H2AC8: variants seen among roughly 807,000 people sequenced by gnomAD.
H2AC8 encodes H2A clustered histone 8.
H2AC8 carries 9 observed loss-of-function variants against 6.3 expected under a neutral mutation model. That is an observed-to-expected ratio of 1.43 (90% CI 0.86 to 2.49). The LOEUF (loss-of-function observed/expected upper bound fraction) is 2.49. H2AC8 is among the 30% of genes most tolerant of loss of function. H2AC8 has a pLI of 0.00. For synonymous variants in H2AC8, 176 were observed against 79.6 expected (o/e 2.21, Z -6.45); for missense variants, 141 against 177.5 (o/e 0.79, Z 1.17).
chr6:26,217,375 A>G (rs1765436954), exon 1 of H2AC8: 9 of 1,609,390 alleles, frequency 5.6e-6, no homozygotes, highest in Non-Finnish European at 7.6e-6. Flanking sequence ...TGAAATGATT[A>G]CTAGTCAAAT....
chr6:26,216,952 T>A, upstream of H2AC8: 1 of 1,613,364 alleles, frequency 6.2e-7, no homozygotes, highest in Non-Finnish European at 8.5e-7. Flanking sequence ...GATTGTTAGT[T>A]CTTCTGCTGT....
At chr6:26,217,274 C>T in exon 1 of H2AC8, 2 of 1,614,222 alleles carry the variant, frequency 1.2e-6, no homozygotes, top group East Asian at 2.2e-5. Context: ...TTCTAGGTCG[C>T]GTGACCATCG....
upstream of H2AC8, chr6:26,216,925 T>C (rs768758797): frequency 1.2e-6 from 2 of 1,600,604 alleles, no homozygotes; most frequent in Non-Finnish European, 1.7e-6. Flanking sequence ...GAGCCCATTC[T>C]TTTTCTTTAT....
chr6:26,217,136 G>C, exon 1 of H2AC8: 1 of 1,614,186 alleles, frequency 6.2e-7, no homozygotes, highest in Non-Finnish European at 8.5e-7. Flanking sequence ...ACCTGGCAGC[G>C]GTGCTGGAAT....
exon 1 of H2AC8, chr6:26,217,208 C>A: frequency 6.2e-7 from 1 of 1,614,198 alleles, no homozygotes; most frequent in Admixed American, 1.7e-5. Flanking sequence ...AGAAGACCCG[C>A]ATCATCCCGC....
chr6:26,217,238 C>G, exon 1 of H2AC8: 1 of 1,614,228 alleles, frequency 6.2e-7, no homozygotes, highest in Non-Finnish European at 8.5e-7. Context: ...AGCTAGCCAT[C>G]CGCAACGACG....
At chr6:26,216,960 T>G, upstream of H2AC8, 1 of 1,613,854 alleles carries the variant, frequency 6.2e-7, no homozygotes. Flanking sequence ...GTTCTTCTGC[T>G]GTTAGGAAGC....
chr6:26,217,394 G>T (rs201248000), exon 1 of H2AC8: 175 of 1,598,522 alleles, frequency 1.1e-4, no homozygotes, highest in Non-Finnish European at 1.5e-4. Flanking sequence ...ATCCGTCAGT[G>T]ATCCCGAGTC....
chr6:26,217,169 G>A (rs376173488), exon 1 of H2AC8: 18 of 1,614,076 alleles, frequency 1.1e-5, no homozygotes, highest in South Asian at 4.4e-5. Context: ...AGATCTTAGA[G>A]CTAGCTGGCA....
exon 1 of H2AC8, chr6:26,217,173 G>C (rs781474740): frequency 1.2e-6 from 2 of 1,614,202 alleles, no homozygotes; most frequent in Non-Finnish European, 1.7e-6. Context: ...CTTAGAGCTA[G>C]CTGGCAACGC....
At chr6:26,217,005 G>T (rs761349300) in exon 1 of H2AC8, 2 of 1,614,196 alleles carry the variant, frequency 1.2e-6, no homozygotes, top group Non-Finnish European at 1.7e-6. Flanking sequence ...AGGCGGCAAA[G>T]CTCGGGCAAA....
exon 1 of H2AC8, chr6:26,217,358 G>A: frequency 1.9e-6 from 3 of 1,612,598 alleles, no homozygotes; most frequent in East Asian, 4.5e-5. Flanking sequence ...ATAAGGCCAA[G>A]GGCAAGTGAA....
At chr6:26,217,025 G>A (rs779153351) in exon 1 of H2AC8, 14 of 1,614,068 alleles carry the variant, frequency 8.7e-6, no homozygotes, top group South Asian at 4.4e-5. Context: ...AAGCTAAAAC[G>A]CGTTCTTCCA....
At chr6:26,217,077 C>T in exon 1 of H2AC8, 1 of 1,614,226 alleles carries the variant, frequency 6.2e-7, no homozygotes, top group Non-Finnish European at 8.5e-7. Context: ...GCACCGCCTC[C>T]TCCGCAAAGG....
upstream of H2AC8, chr6:26,216,936 T>C (rs1292531126): frequency 1.6e-5 from 25 of 1,609,876 alleles, no homozygotes; most frequent in Non-Finnish European, 1.7e-5. Context: ...TTTTCTTTAT[T>C]CAGTGGATTG....
chr6:26,217,001 C>A, exon 1 of H2AC8: 1 of 1,614,170 alleles, frequency 6.2e-7, no homozygotes, highest in Middle Eastern at 1.6e-4. Context: ...AGCAAGGCGG[C>A]AAAGCTCGGG....
chr6:26,217,181 C>T lies in H2AC8; in HGVS notation c.207C>T (p.Asn69=), dbSNP rs756651347. 5 of 1,614,188 alleles carry T rather than the reference C, an allele frequency of 3.1e-6. No individual in the cohort carries two copies. In the Admixed American group the frequency reaches 5.0e-5, roughly 16 times the overall value. ...CCGAGATCTTAGAGCTAGCTGGCAA[C>T]GCGGCTCGCGACAATAAGAAGACCC... The change falls in exon 1 of 1, where the codon AAC becomes AAT. Residue 69 remains asparagine (N), a synonymous_variant. Transcript: ENST00000303910.
chr6:26,217,268 A>G, exon 1 of H2AC8: 1 of 1,614,236 alleles, frequency 6.2e-7, no homozygotes, highest in Non-Finnish European at 8.5e-7. Context: ...ATAAGCTTCT[A>G]GGTCGCGTGA....
rs1185862885 is a variant in H2AC8, at chr6:26,217,271, T to G, written c.297T>G (p.Gly99=). ...ACGAGGAGCTAAATAAGCTTCTAGG[T>G]CGCGTGACCATCGCGCAGGGCGGTG... The change falls in exon 1 of 1, where the codon GGT becomes GGG. Residue 99 remains glycine, a synonymous_variant. Coordinates refer to ENST00000303910, the Ensembl canonical transcript of H2AC8. 4 of 1,614,204 alleles carry G rather than the reference T, an allele frequency of 2.5e-6. 1 individual carries two copies. The South Asian group carries it at 4.4e-5, about 18-fold the overall frequency.
Sources: gnomAD v4.1 joint callset for allele counts on GRCh38, gnomAD v4.1.1 for gene constraint, MANE v1.5 for transcripts, NCBI Gene and HGNC (gene_info 2026-07-23, HGNC 2026-07-21) for gene names.